The following LRRC4C variants were observed in gnomAD, a reference collection of about 807,000 sequenced individuals.
LRRC4C encodes leucine rich repeat containing 4C.
LRRC4C carries 5 observed loss-of-function variants against 33.6 expected under a neutral mutation model. The ratio of observed to expected loss-of-function variants is 0.15; its 90% CI spans 0.08 to 0.31. The LOEUF is 0.31. Among genes scored for constraint, LRRC4C ranks in the 10% least tolerant of loss-of-function variants. The probability of loss-of-function intolerance (pLI) is 1.00; values close to 1 mark genes in which losing one functional copy is unlikely to be tolerated. For missense variants in LRRC4C, 560 were observed against 796.7 expected (o/e 0.70, Z 3.58); for synonymous variants, 329 against 302.0 (o/e 1.09, Z -0.93).
intron 3 of LRRC4C, among the ~76,000 whole-genome samples, chr11:40,454,500 T>C (rs1265554802): frequency 6.6e-6 from 1 of 152,112 alleles, no homozygotes; most frequent in Non-Finnish European, 1.5e-5. Flanking sequence ...ACTGCCTTTA[T>C]CTTATGGCAC....
chr11:41,110,701 A>G (rs967852178), intron 1 of LRRC4C, among the ~76,000 whole-genome samples: 2 of 152,074 alleles, frequency 1.3e-5, no homozygotes, highest in African/African-American at 2.4e-5. Flanking sequence ...GTTGAAGGTC[A>G]ATATTTCATC....
chr11:41,205,132 A>G (rs1025066867), intron 1 of LRRC4C, among the ~76,000 whole-genome samples: 2 of 152,170 alleles, frequency 1.3e-5, no homozygotes, highest in African/African-American at 4.8e-5. Context: ...AGGAACATAA[A>G]AAAAGTAAGT....
chr11:40,472,686 A>G (rs1442922146), intron 3 of LRRC4C, among the ~76,000 whole-genome samples: 1 of 151,872 alleles, frequency 6.6e-6, no homozygotes, highest in Non-Finnish European at 1.5e-5. Context: ...GTTTTTTGAA[A>G]AGATTAACAA....
At chr11:41,322,017 A>G (rs898605292) in intron 1 of LRRC4C, among the ~76,000 whole-genome samples, 3 of 152,000 alleles carry the variant, frequency 2.0e-5, no homozygotes, top group African/African-American at 4.8e-5. Flanking sequence ...GGCACCTGCC[A>G]CCATGCCTGG....
At chr11:40,603,400 A>G (rs973845846) in intron 3 of LRRC4C, among the ~76,000 whole-genome samples, 5 of 152,342 alleles carry the variant, frequency 3.3e-5, no homozygotes, top group African/African-American at 1.2e-4. Context: ...TGGCTTTTGA[A>G]CTAATATTCA....
At chr11:40,251,906 G>T (rs1866814320) in intron 4 of LRRC4C, among the ~76,000 whole-genome samples, 1 of 152,172 alleles carries the variant, frequency 6.6e-6, no homozygotes, top group South Asian at 2.1e-4. Context: ...CTTCTGTGGA[G>T]TTCAGTGTTA....
At chr11:41,111,908 C>A (rs1369158451) in intron 1 of LRRC4C, among the ~76,000 whole-genome samples, 3 of 151,906 alleles carry the variant, frequency 2.0e-5, no homozygotes, top group Non-Finnish European at 4.4e-5. Context: ...TCAGTATTTT[C>A]TATCAGAGAT....
At chr11:41,067,650 C>G (rs1271623110) in intron 1 of LRRC4C, among the ~76,000 whole-genome samples, 1 of 152,144 alleles carries the variant, frequency 6.6e-6, no homozygotes, top group Non-Finnish European at 1.5e-5. Flanking sequence ...CTACAACTGA[C>G]CACATAATTG....
At chr11:40,733,904 G>A (rs1947729942) in intron 2 of LRRC4C, among the ~76,000 whole-genome samples, 3 of 152,116 alleles carry the variant, frequency 2.0e-5, no homozygotes, top group African/African-American at 7.2e-5. Context: ...CTTAAATTTT[G>A]AGAAAAGTAA....
intron 1 of LRRC4C, among the ~76,000 whole-genome samples, chr11:41,437,827 C>T (rs182853974): frequency 1.3e-5 from 2 of 152,242 alleles, no homozygotes; most frequent in Non-Finnish European, 2.9e-5. Flanking sequence ...CATCTGAGGT[C>T]AGGAGTTTGA....
At chr11:41,179,978 C>T (rs754319493) in intron 1 of LRRC4C, among the ~76,000 whole-genome samples, 1 of 152,080 alleles carries the variant, frequency 6.6e-6, no homozygotes, top group Non-Finnish European at 1.5e-5. Flanking sequence ...AATGTAAGGG[C>T]CGCTGTGGGA....
chr11:40,406,078 C>T (rs760591110), intron 3 of LRRC4C, among the ~76,000 whole-genome samples: 5 of 152,094 alleles, frequency 3.3e-5, no homozygotes, highest in Admixed American at 1.3e-4. Context: ...TGCGGGATGG[C>T]GCTGTAACTG....
At chr11:40,542,163 G>C (rs1480486516) in intron 3 of LRRC4C, among the ~76,000 whole-genome samples, 3 of 151,230 alleles carry the variant, frequency 2.0e-5, no homozygotes, top group African/African-American at 7.3e-5. Context: ...GTTAGAGTCA[G>C]AAACTTACTT....
intron 4 of LRRC4C, among the ~76,000 whole-genome samples, chr11:40,295,794 G>A (rs1163727308): frequency 2.0e-5 from 3 of 152,152 alleles, no homozygotes; most frequent in African/African-American, 7.2e-5. Flanking sequence ...GAGGGTTAAT[G>A]GCATTGCTTC....
chr11:40,734,646 TA>T (rs1208584022), intron 2 of LRRC4C, among the ~76,000 whole-genome samples: 1 of 152,080 alleles, frequency 6.6e-6, no homozygotes, highest in Non-Finnish European at 1.5e-5. Flanking sequence ...ACCACATAGC[TA>T]ATTATGACTA....
chr11:40,156,119 C>T (rs1001103264), intron 5 of LRRC4C, among the ~76,000 whole-genome samples: 9 of 151,998 alleles, frequency 5.9e-5, no homozygotes, highest in Non-Finnish European at 1.3e-4. Flanking sequence ...CATCTCAATA[C>T]ATGCAGAAAA....
In LRRC4C at chr11:40,768,352, C is replaced by G. The variant is rs7935397; in HGVS notation, c.-406-120074G>C. ...CCTCCTGGCCAAGAAAAACTTGGGA[C>G]CTGGTGGTTTCACTGATGAATTTTA... is the stretch of plus-strand genomic sequence containing the variant. On this transcript the variant is annotated intron_variant, in intron 2 of 6. Coordinates refer to ENST00000528697, the MANE Select transcript of LRRC4C (RefSeq NM_001258419.2). 6.3e-3 allele frequency among the ~76,000 whole-genome samples: 958 copies of G among 152,054 alleles called. 13 individuals carry two copies. Among genetic ancestry groups the G allele is most frequent in the African/African-American group, 0.021 (871 of 41,512 alleles).
At chr11:41,298,415 C>CTT (rs533979006) in intron 1 of LRRC4C, among the ~76,000 whole-genome samples, 1 of 144,348 alleles carries the variant, frequency 6.9e-6, no homozygotes, top group Non-Finnish European at 1.5e-5. Context: ...GGAAAGTGAA[C>CTT]TTTTTTTTTT....
chr11:41,029,895 A>C (rs1462906899), intron 1 of LRRC4C, among the ~76,000 whole-genome samples: 2 of 151,874 alleles, frequency 1.3e-5, no homozygotes, highest in African/African-American at 4.8e-5. Context: ...GGAAGCCAAC[A>C]CAAGCCAAGG....
Sources: allele counts gnomAD v4.1 joint callset (sites outside exome capture counted in the v4.1 genomes callset), GRCh38; gene constraint gnomAD v4.1.1; transcripts MANE v1.5; gene names NCBI Gene and HGNC (gene_info 2026-07-23, HGNC 2026-07-21).